Variants in RRP15 observed in about 807,000 individuals in gnomAD.
RRP15 encodes ribosomal RNA processing 15 homolog.
RRP15 carries 18 observed loss-of-function variants against 27.1 expected under a neutral mutation model. That is an observed-to-expected ratio of 0.66 (90% confidence interval 0.46 to 0.98). RRP15 has a LOEUF of 0.98. Among genes scored for constraint, RRP15 ranks in the 50% least tolerant of loss-of-function variants. RRP15 has a pLI of 0.00. For missense variants in RRP15, 359 were observed against 337.8 expected (o/e 1.06, Z -0.49); for synonymous variants, 107 against 109.4 (o/e 0.98, Z 0.14).
In RRP15 at chr1:218,309,894, C is replaced by T. The variant is rs116243531; in HGVS notation, c.705+2262C>T. On this transcript the variant is annotated intron_variant, in intron 4 of 4. Coordinates refer to ENST00000366932, the MANE Select transcript of RRP15 (RefSeq NM_016052.4). The stretch of plus-strand genomic sequence containing the variant: ...GTTACACCAGCTCTAACAAGATGTA[C>T]ATTAAGTGGCTACCCCTGTGTGAAG... Among the ~76,000 whole-genome samples, 536 of 152,162 alleles carry T rather than the reference C, an allele frequency of 3.5e-3. 4 individuals carry two copies. The highest frequency in any genetic ancestry group is 6.0e-3 in the Non-Finnish European group (407 of 67,998).
At chr1:218,315,158 G>C (rs546452024) in intron 4 of RRP15, among the ~76,000 whole-genome samples, 4 of 152,012 alleles carry the variant, frequency 2.6e-5, no homozygotes, top group Admixed American at 2.0e-4. Context: ...GTAAGGTAGG[G>C]TACTCCTCTA....
At chr1:218,290,408 T>G (rs1655620071) in intron 1 of RRP15, among the ~76,000 whole-genome samples, 1 of 152,236 alleles carries the variant, frequency 6.6e-6, no homozygotes, top group South Asian at 2.1e-4. Context: ...TGTCATTTTA[T>G]CAATACATAA....
chr1:218,299,210 T>C (rs2102496200), intron 1 of RRP15, among the ~76,000 whole-genome samples: 1 of 152,334 alleles, frequency 6.6e-6, no homozygotes, highest in South Asian at 2.1e-4. Context: ...ATATTAAATG[T>C]CATCATTTTC....
intron 4 of RRP15, among the ~76,000 whole-genome samples, chr1:218,322,658 A>G (rs890333475): frequency 4.6e-5 from 7 of 152,068 alleles, no homozygotes; most frequent in African/African-American, 9.7e-5. Context: ...CATAGCTCCT[A>G]TCTCAGGGGC....
chr1:218,320,447 A>G (rs1656169280), intron 4 of RRP15, among the ~76,000 whole-genome samples: 2 of 152,028 alleles, frequency 1.3e-5, no homozygotes, highest in South Asian at 4.1e-4. Flanking sequence ...CATTTTCTTG[A>G]TCCAGTCTAT....
At position 218,296,236 on chromosome 1, in the gene RRP15, T is replaced by C. The variant is rs114305903; in HGVS notation, c.140-6058T>C. 2.8e-3 allele frequency among the ~76,000 whole-genome samples: 433 copies of C among 152,334 alleles called. 5 individuals are homozygous for C. Among genetic ancestry groups the C allele is most frequent in the African/African-American group, 9.9e-3 (412 of 41,568 alleles). On this transcript the variant is annotated intron_variant, in intron 1 of 4. Transcript: ENST00000366932. ...AAATTGAATCTCTGATACAAAACTT[T>C]GTAGTGTCTCACAAGTTGACAGCCC...
At chr1:218,285,857 CTT>C (rs911719473) in intron 1 of RRP15, among the ~76,000 whole-genome samples, 1 of 152,026 alleles carries the variant, frequency 6.6e-6, no homozygotes, top group Non-Finnish European at 1.5e-5. Flanking sequence ...GTGTACTTGA[CTT>C]TTTGTGCGGT....
chr1:218,295,138 TC>T (rs1416075601), intron 1 of RRP15, among the ~76,000 whole-genome samples: 1 of 152,166 alleles, frequency 6.6e-6, no homozygotes, highest in African/African-American at 2.4e-5. Context: ...AAAACAGTCT[TC>T]CTAGTCAGTA....
rs1361479913 is a variant in RRP15, at chr1:218,330,968, A to C, written c.726A>C (p.Glu242Asp). 2 of 1,612,146 alleles carry C rather than the reference A, an allele frequency of 1.2e-6. No individual in the cohort carries two copies. The highest frequency in any genetic ancestry group is 1.7e-6 in the Non-Finnish European group (2 of 1,178,812). ...KAKQTEVKSE[E>D]GPGWTILRDD... ...CTTAGACTGAAGTGAAATCAGAAGA[A>C]GGCCCAGGTTGGACGATCCTACGTG... Residue 242 changes from glutamate (E) to aspartate (D), a missense_variant, in exon 5 of 5, where the codon GAA becomes GAC. Coordinates refer to ENST00000366932, the MANE Select transcript of RRP15 (RefSeq NM_016052.4).
intron 4 of RRP15, among the ~76,000 whole-genome samples, chr1:218,310,161 G>GC (rs1423749359): frequency 6.6e-6 from 1 of 152,178 alleles, no homozygotes; most frequent in Non-Finnish European, 1.5e-5. Context: ...CCTTGTCCTA[G>GC]CACCATAGCT....
intron 4 of RRP15, among the ~76,000 whole-genome samples, chr1:218,329,352 C>T (rs1278321966): frequency 2.0e-5 from 3 of 150,338 alleles, no homozygotes; most frequent in East Asian, 2.0e-4. Context: ...CCTGGGAGGT[C>T]GAGGCTTCTG....
chr1:218,292,130 C>G (rs2102491993), intron 1 of RRP15, among the ~76,000 whole-genome samples: 1 of 152,268 alleles, frequency 6.6e-6, no homozygotes, highest in Non-Finnish European at 1.5e-5. Flanking sequence ...GCCACTGCAC[C>G]CAGCCTTCAA....
intron 3 of RRP15, among the ~76,000 whole-genome samples, chr1:218,306,923 A>G (rs934773807): frequency 6.6e-6 from 1 of 152,236 alleles, no homozygotes; most frequent in African/African-American, 2.4e-5. Flanking sequence ...TCACATTTCA[A>G]GTGCTCACTA....
intron 1 of RRP15, among the ~76,000 whole-genome samples, chr1:218,286,295 A>G (rs1435484670): frequency 6.6e-6 from 1 of 152,200 alleles, no homozygotes; most frequent in Non-Finnish European, 1.5e-5. Flanking sequence ...TCATAGGCCA[A>G]TATGCCCCTC....
In RRP15 at chr1:218,334,816, G is replaced by T. The variant is rs140047029; in HGVS notation, c.*3725G>T. On this transcript the variant is annotated 3_prime_UTR_variant, in exon 5 of 5. Transcript: ENST00000366932. The stretch of plus-strand genomic sequence containing the variant: ...TGGAAACAGGAGAGAGAACTACTTC[G>T]TGCCTATAAAAAGCTCTCTCACTCC... The T allele has an allele frequency of 6.6e-6, 1 of 152,296 alleles. No homozygotes were observed. Among genetic ancestry groups the T allele is most frequent in the African/African-American group, 2.4e-5 (1 of 41,578 alleles). The allele number at this position is 152,296 out of a possible 1,614,324, so 9.4% of individuals were successfully genotyped here.
intron 4 of RRP15, among the ~76,000 whole-genome samples, chr1:218,311,408 TA>T (rs1452083504): frequency 6.6e-6 from 1 of 152,192 alleles, no homozygotes; most frequent in Non-Finnish European, 1.5e-5. Flanking sequence ...TAATATACAA[TA>T]ATAATACTTA....
chr1:218,333,981 T>C lies in RRP15; in HGVS notation c.*2890T>C, dbSNP rs1188239029. The C allele has an allele frequency of 1.3e-5, 2 of 152,198 alleles. No individual in the cohort carries two copies. Among genetic ancestry groups the C allele is most frequent in the African/African-American group, 4.8e-5 (2 of 41,440 alleles). The allele number at this position is 152,198 out of a possible 1,614,324, so 9.4% of individuals were successfully genotyped here. On this transcript the variant is annotated 3_prime_UTR_variant, in exon 5 of 5. Transcript: ENST00000366932. Reference sequence around the variant, plus strand: ...AATTTGGAAGTATTATTTCCTTATTTCATATATAGAAATAATTATCTTATT... The same window carrying C: ...AATTTGGAAGTATTATTTCCTTATTCCATATATAGAAATAATTATCTTATT...
intron 1 of RRP15, among the ~76,000 whole-genome samples, chr1:218,300,093 C>T (rs572116580): frequency 4.6e-5 from 7 of 151,862 alleles, no homozygotes; most frequent in Admixed American, 2.6e-4. Context: ...ATTGACCCAG[C>T]GTATAAGATA....
rs1656403210 is a variant in RRP15 at position 218,333,420 on chromosome 1, C to G, written c.*2329C>G. 1 of 152,052 alleles carries G rather than the reference C, an allele frequency of 6.6e-6. No individual in the cohort carries two copies. Among genetic ancestry groups the G allele is most frequent in the Admixed American group, 6.6e-5 (1 of 15,258 alleles). The allele number at this position is 152,052 out of a possible 1,614,324, so 9.4% of individuals were successfully genotyped here. On this transcript the variant is annotated 3_prime_UTR_variant, in exon 5 of 5. Transcript: ENST00000366932. ...GTCACCCCTATTCTAAATATTTTAC[C>G]TACAACATTTAAATTATTCTGATAT...
Sources: allele counts gnomAD v4.1 joint callset (sites outside exome capture counted in the v4.1 genomes callset), GRCh38; gene constraint gnomAD v4.1.1; transcripts MANE v1.5; gene names NCBI Gene and HGNC (gene_info 2026-07-23, HGNC 2026-07-21).